Variants in NVL observed in about 807,000 individuals in gnomAD.
NVL encodes nuclear VCP like, also known as nuclear valosin-containing protein-like.
In NVL, 84 loss-of-function variants were observed where a neutral mutation model predicts 110.2. The ratio of observed to expected loss-of-function variants is 0.76; its 90% CI spans 0.64 to 0.91. The LOEUF is 0.91. Among genes scored for constraint, NVL ranks in the 40% least tolerant of loss-of-function variants. NVL has a pLI of 0.00. For synonymous variants in NVL, 354 were observed against 361.1 expected, an observed-to-expected ratio of 0.98 and a Z score of 0.22; for missense variants, 882 against 1,035.9, an observed-to-expected ratio of 0.85 and a Z score of 2.04.
Position 224,227,671 on chromosome 1 carries a change from C to A in NVL, c.2527-1G>T. The A allele has an allele frequency of 6.2e-7, 1 of 1,610,406 alleles. No homozygotes were observed. The highest frequency in any genetic ancestry group is 8.5e-7 in the Non-Finnish European group (1 of 1,177,592). Reference sequence around the variant, plus strand: ...GCAAACGTTCATACATGATTTGATCCTGAAAGGAGGGAGAACACAGAATAC... The same window carrying A: ...GCAAACGTTCATACATGATTTGATCATGAAAGGAGGGAGAACACAGAATAC... On this transcript the variant is annotated splice_acceptor_variant, in intron 22 of 22. Coordinates refer to ENST00000281701, the MANE Select transcript of NVL (RefSeq NM_002533.4). LOFTEE classifies it high-confidence loss of function.
At chr1:224,284,371 A>T (rs911570043) in intron 15 of NVL, among the ~76,000 whole-genome samples, 2 of 146,780 alleles carry the variant, frequency 1.4e-5, no homozygotes, top group African/African-American at 4.9e-5. Context: ...ATACTTAAAT[A>T]AAAAAAACTA....
Position 224,289,475 on chromosome 1 carries a change from A to G in NVL, c.1575+9T>C. On this transcript the variant is annotated intron_variant, in intron 13 of 22. Transcript: ENST00000281701. The stretch of plus-strand genomic sequence containing the variant: ...AAAGGACAATTTAAGGTGCCTTTAG[A>G]GAAAGCACCTGTGTTTCAGAAGTGG... The G allele has an allele frequency of 6.2e-7, 1 of 1,613,548 alleles. No homozygotes were observed. Among genetic ancestry groups the G allele is most frequent in the South Asian group, 1.1e-5 (1 of 90,990 alleles).
At chr1:224,307,402 G>A (rs1406676894) in intron 6 of NVL, among the ~76,000 whole-genome samples, 2 of 152,128 alleles carry the variant, frequency 1.3e-5, no homozygotes, top group Non-Finnish European at 2.9e-5. Flanking sequence ...GCCACTGGAG[G>A]GTTTTAAATA....
intron 10 of NVL, 41 bp from the exon 11 acceptor site, chr1:224,296,659 T>A: frequency 8.5e-7 from 1 of 1,181,148 alleles, no homozygotes. Flanking sequence ...CATAAATGCA[T>A]CCCCTATACT....
At chr1:224,236,632 C>T (rs763524537) in intron 19 of NVL, 50 bp from the exon 20 acceptor site, 17 of 1,450,730 alleles carry the variant, frequency 1.2e-5, no homozygotes, top group African/African-American at 8.4e-5. Context: ...AAGACCATGC[C>T]GGGTGCGATG....
In NVL at chr1:224,290,715, T is replaced by C. The variant is rs572999585; in HGVS notation, c.1326-982A>G. Among the ~76,000 whole-genome samples, 215 of 148,566 alleles carry C rather than the reference T, an allele frequency of 1.4e-3. 4 individuals carry two copies. The highest frequency in any genetic ancestry group is 1.2e-3 in the East Asian group (6 of 5,020). ...TACTCGGGAGGCTGAGGAAGGAGAA[T>C]GGCATGAACCTGGGAGGCGGAGCTT... On this transcript the variant is annotated intron_variant, in intron 12 of 22. Coordinates refer to ENST00000281701, the MANE Select transcript of NVL (RefSeq NM_002533.4).
At chr1:224,304,002 G>A in intron 8 of NVL, 145 bp from the exon 9 acceptor site, 2 of 835,188 alleles carry the variant, frequency 2.4e-6, no homozygotes, top group East Asian at 3.0e-5. Flanking sequence ...CCTGGCTCTG[G>A]TACCTACTGT....
intron 19 of NVL, among the ~76,000 whole-genome samples, chr1:224,247,253 TGGA>T (rs1207639422): frequency 6.6e-6 from 1 of 152,048 alleles, no homozygotes; most frequent in East Asian, 1.9e-4. Flanking sequence ...TTGCTCAGGC[TGGA>T]GTGCAGTGAC....
At chr1:224,245,639 A>C (rs1661718797) in intron 19 of NVL, among the ~76,000 whole-genome samples, 1 of 152,100 alleles carries the variant, frequency 6.6e-6, no homozygotes. Context: ...CTGACTATGC[A>C]GCAGTCTAAA....
intron 18 of NVL, among the ~76,000 whole-genome samples, chr1:224,263,933 T>C (rs1664230296): frequency 1.3e-5 from 2 of 152,156 alleles, no homozygotes; most frequent in Admixed American, 6.5e-5. Flanking sequence ...GAGAATCACT[T>C]GAACCTGGGA....
chr1:224,259,701 C>A (rs1175080703), intron 18 of NVL, among the ~76,000 whole-genome samples: 1 of 152,154 alleles, frequency 6.6e-6, no homozygotes, highest in Admixed American at 6.6e-5. Context: ...GTTGCCCAAG[C>A]TGGAGTGCAG....
chr1:224,273,537 C>T (rs541941191), intron 17 of NVL, among the ~76,000 whole-genome samples: 2 of 152,178 alleles, frequency 1.3e-5, no homozygotes, highest in South Asian at 4.1e-4. Context: ...AGAAGTTAGA[C>T]ATGTACTTCA....
chr1:224,316,523 G>A (rs566162406), intron 4 of NVL, among the ~76,000 whole-genome samples: 5 of 151,010 alleles, frequency 3.3e-5, no homozygotes, highest in Admixed American at 6.6e-5. Context: ...CCATTTCTAC[G>A]AAAAATTAGC....
chr1:224,286,192 T>C, intron 14 of NVL, 62 bp from the exon 15 acceptor site: 2 of 1,211,566 alleles, frequency 1.7e-6, no homozygotes, highest in Non-Finnish European at 2.4e-6. Context: ...AGGTTCAAAT[T>C]ATTTCCAGAT....
intron 2 of NVL, among the ~76,000 whole-genome samples, chr1:224,320,027 CA>C (rs1409183900): frequency 6.6e-6 from 1 of 151,214 alleles, no homozygotes; most frequent in African/African-American, 2.4e-5. Flanking sequence ...TCATGAAAAA[CA>C]AAAAAAGGTT....
At chr1:224,270,968 A>G (rs1439012651) in intron 17 of NVL, among the ~76,000 whole-genome samples, 1 of 152,196 alleles carries the variant, frequency 6.6e-6, no homozygotes, top group South Asian at 2.1e-4. Context: ...AATATATATC[A>G]ATCTTCAACC....
At chr1:224,307,850 G>A in intron 6 of NVL, 141 bp downstream of exon 6, 1 of 690,356 alleles carries the variant, frequency 1.4e-6, no homozygotes. Flanking sequence ...ATGGAAAGCA[G>A]TGCAATGTGA....
chr1:224,239,959 G>A (rs1366419652), intron 19 of NVL, among the ~76,000 whole-genome samples: 1 of 151,960 alleles, frequency 6.6e-6, no homozygotes, highest in Non-Finnish European at 1.5e-5. Flanking sequence ...GTGCAGTGAC[G>A]CAATCTCGGC....
chr1:224,235,652 CG>C (rs1049222183), intron 20 of NVL, among the ~76,000 whole-genome samples: 12 of 151,878 alleles, frequency 7.9e-5, no homozygotes, highest in African/African-American at 2.9e-4. Flanking sequence ...AAAAAAGGGC[CG>C]GGTGTGGTGG....
Sources: gnomAD v4.1 joint callset for allele counts (sites outside exome capture counted in the v4.1 genomes callset) on GRCh38, gnomAD v4.1.1 for gene constraint, MANE v1.5 for transcripts, NCBI Gene and HGNC (gene_info 2026-07-23, HGNC 2026-07-21) for gene names.